Variants in TXLNB observed in about 807,000 individuals in gnomAD.
The protein encoded by TXLNB is beta-taxilin.
In TXLNB, 37 loss-of-function variants were observed where a neutral mutation model predicts 57.4. That is an observed-to-expected ratio of 0.64 (90% CI 0.50 to 0.85). The LOEUF (loss-of-function observed/expected upper bound fraction) is 0.85. Among genes scored for constraint, TXLNB ranks in the 40% least tolerant of loss-of-function variants. The probability of loss-of-function intolerance (pLI) is 0.00; values close to 1 mark genes in which losing one functional copy is unlikely to be tolerated. For synonymous variants in TXLNB, 302 were observed against 309.6 expected, an observed-to-expected ratio of 0.98 and a Z score of 0.26; for missense variants, 848 against 825.6, an observed-to-expected ratio of 1.03 and a Z score of -0.33.
intron 5 of TXLNB, 98 bp from the exon 6 acceptor site, chr6:139,260,535 T>C: frequency 2.2e-6 from 3 of 1,339,150 alleles, no homozygotes; most frequent in Non-Finnish European, 3.1e-6. Context: ...CCCCAGGTTT[T>C]AAGATTTAAA....
At chr6:139,288,330 C>T in intron 2 of TXLNB, 146 bp downstream of exon 2, 2 of 790,346 alleles carry the variant, frequency 2.5e-6, no homozygotes, top group Non-Finnish European at 4.0e-6. Context: ...GGGGTAAGGG[C>T]TGGGGACAAA....
intron 2 of TXLNB, among the ~76,000 whole-genome samples, chr6:139,279,513 T>A (rs371534728): frequency 8.8e-4 from 134 of 152,300 alleles, no homozygotes; most frequent in African/African-American, 3.2e-3. Flanking sequence ...AAACTGGAGA[T>A]GGGCATGTGC....
At chr6:139,171,934 G>A in the TXLNB span, among the ~76,000 whole-genome samples, 3 of 151,844 alleles carry the variant, frequency 2.0e-5, no homozygotes, top group Non-Finnish European at 4.4e-5. Flanking sequence ...GGGTTCAAGC[G>A]ATTCTCCTGC....
the TXLNB span, among the ~76,000 whole-genome samples, chr6:139,309,139 A>G: frequency 0.11 from 17,351 of 152,202 alleles, 1,212 homozygotes; most frequent in African/African-American, 0.2. Context: ...TGGGGCAGTG[A>G]TGACTGTCCA....
chr6:139,323,372 T>G, the TXLNB span, among the ~76,000 whole-genome samples: 1 of 149,204 alleles, frequency 6.7e-6, no homozygotes, highest in African/African-American at 2.5e-5. Flanking sequence ...AATCTCCGCC[T>G]CCCGAGTTCA....
the TXLNB span, chr6:139,179,999 G>A: frequency 6.6e-6 from 1 of 152,238 alleles, no homozygotes; most frequent in African/African-American, 2.4e-5. Context: ...CTGATTGATT[G>A]TTTTCTCTTC....
chr6:139,177,427 A>G, the TXLNB span: 2 of 186,310 alleles, frequency 1.1e-5, no homozygotes, highest in Non-Finnish European at 2.2e-5. The surrounding 1 kb of genome is among the most constrained non-coding windows in gnomAD (Gnocchi z 4.9). Context: ...ATAAACTAAG[A>G]GCTTGATAGG....
At chr6:139,247,245 G>A (rs1184347015) in intron 8 of TXLNB, among the ~76,000 whole-genome samples, 3 of 151,978 alleles carry the variant, frequency 2.0e-5, no homozygotes, top group Non-Finnish European at 4.4e-5. Context: ...AGGTTCAAGC[G>A]ATTCTCCTGC....
At chr6:139,253,555 C>T (rs1776262230) in intron 7 of TXLNB, among the ~76,000 whole-genome samples, 1 of 152,032 alleles carries the variant, frequency 6.6e-6, no homozygotes, top group Admixed American at 6.6e-5. Flanking sequence ...CAGGGTCACA[C>T]AGCTTCTCGG....
the TXLNB span, among the ~76,000 whole-genome samples, chr6:139,321,113 T>A: frequency 6.6e-6 from 1 of 152,206 alleles, no homozygotes; most frequent in Non-Finnish European, 1.5e-5. Context: ...ATGGATTGAA[T>A]CCTGATACTA....
chr6:139,301,514 C>T, the TXLNB span, among the ~76,000 whole-genome samples: 7 of 152,204 alleles, frequency 4.6e-5, no homozygotes, highest in African/African-American at 1.7e-4. Flanking sequence ...TCCTCTAGAA[C>T]TGCCAGGAAA....
At chr6:139,216,657 T>C in the TXLNB span, among the ~76,000 whole-genome samples, 2 of 152,090 alleles carry the variant, frequency 1.3e-5, no homozygotes, top group African/African-American at 4.8e-5. Context: ...AAATGTGGTA[T>C]ATAGACAATA....
chr6:139,283,319 G>C (rs548153817), intron 2 of TXLNB, among the ~76,000 whole-genome samples: 2 of 142,196 alleles, frequency 1.4e-5, no homozygotes, highest in South Asian at 4.8e-4. Flanking sequence ...GTTCATGCCT[G>C]TAATCCCAGC....
At chr6:139,176,904 G>T in the TXLNB span, 15 of 850,190 alleles carry the variant, frequency 1.8e-5, no homozygotes, top group Non-Finnish European at 2.9e-5. The surrounding 1 kb of genome is among the most constrained non-coding windows in gnomAD (Gnocchi z 4.5). Context: ...TTGGGAAGTG[G>T]AGGGGTGTTG....
chr6:139,314,832 G>A, the TXLNB span, among the ~76,000 whole-genome samples: 9 of 152,178 alleles, frequency 5.9e-5, no homozygotes, highest in Admixed American at 2.6e-4. Flanking sequence ...ATTCCTGGGC[G>A]TAGGGCGAAC....
the TXLNB span, chr6:139,174,557 T>C: frequency 6.2e-7 from 1 of 1,610,542 alleles, no homozygotes; most frequent in South Asian, 1.1e-5. Context: ...CTGAACACAC[T>C]GAGGGAGCAG....
At chr6:139,250,114 A>C (rs1259527898) in intron 7 of TXLNB, among the ~76,000 whole-genome samples, 1 of 151,374 alleles carries the variant, frequency 6.6e-6, no homozygotes, top group African/African-American at 2.4e-5. Flanking sequence ...TCCTGGGCTT[A>C]AGGGATCCTC....
At chr6:139,249,057 T>A (rs1350651186) in intron 7 of TXLNB, among the ~76,000 whole-genome samples, 14 of 152,258 alleles carry the variant, frequency 9.2e-5, no homozygotes, top group Admixed American at 7.8e-4. Context: ...AGATGCCTTT[T>A]TCTAATTTGC....
the TXLNB span, chr6:139,170,020 A>C: frequency 6.6e-6 from 1 of 152,254 alleles, no homozygotes; most frequent in South Asian, 2.1e-4. Context: ...CTACTTTCTG[A>C]CTTCATATAG....
Sources: gnomAD v4.1 joint callset for allele counts (sites outside exome capture counted in the v4.1 genomes callset) on GRCh38, gnomAD v4.1.1 for gene constraint, Gnocchi (gnomAD v3.1) non-coding constraint, MANE v1.5 for transcripts, NCBI Gene and HGNC (gene_info 2026-07-23, HGNC 2026-07-21) for gene names.